The following PAFAH1B1 variants were observed in gnomAD, a reference collection of about 807,000 sequenced individuals.
PAFAH1B1 encodes the protein platelet activating factor acetylhydrolase 1b regulatory subunit 1.
Under a neutral mutation model 57.5 loss-of-function variants are expected in PAFAH1B1, and 2 were observed. That is an observed-to-expected ratio of 0.03 (90% confidence interval 0.01 to 0.11). The LOEUF is 0.11. Among genes scored for constraint, PAFAH1B1 ranks in the 10% least tolerant of loss-of-function variants. The pLI is 1.00. For synonymous variants in PAFAH1B1, 152 were observed against 169.6 expected (o/e 0.90, Z 0.81); for missense variants, 257 against 512.0 (o/e 0.50, Z 4.81).
At position 2,638,199 on chromosome 17, in the gene PAFAH1B1, T is replaced by G; in HGVS notation, c.-90T>G. On this transcript the variant is annotated 5_prime_UTR_variant, in exon 2 of 11. Coordinates refer to ENST00000397195, the MANE Select transcript of PAFAH1B1 (RefSeq NM_000430.4). ...TGTGGAAGACACTTAGTGGCATATTTAAATTATAAGTCCACGGATCAAAAA... is the reference window on the plus strand; with the variant it reads ...TGTGGAAGACACTTAGTGGCATATTGAAATTATAAGTCCACGGATCAAAAA... The G allele has an allele frequency of 9.7e-7, 1 of 1,027,994 alleles. No individual in the cohort carries two copies. The highest frequency in any genetic ancestry group is 1.5e-6 in the Non-Finnish European group (1 of 666,072). 63.7% of individuals were successfully genotyped at this position (1,027,994 alleles called of 1,614,324 possible). A position where few individuals can be genotyped will look rare whatever the true frequency, so the allele number is the denominator to read the frequency against.
At chr17:2,602,337 C>A (rs1242619628) in intron 1 of PAFAH1B1, among the ~76,000 whole-genome samples, 1 of 151,876 alleles carries the variant, frequency 6.6e-6, no homozygotes, top group East Asian at 1.9e-4. Context: ...CATCATAATA[C>A]AACCCCAAGA....
At chr17:2,633,961 C>CTTTT (rs553588827) in intron 1 of PAFAH1B1, among the ~76,000 whole-genome samples, 6 of 119,736 alleles carry the variant, frequency 5.0e-5, no homozygotes, top group Non-Finnish European at 8.3e-5. Flanking sequence ...AGTACCAAAC[C>CTTTT]TTTTTTTTTT....
At chr17:2,666,494 A>G (rs535968432) in intron 4 of PAFAH1B1, among the ~76,000 whole-genome samples, 1 of 152,346 alleles carries the variant, frequency 6.6e-6, no homozygotes, top group South Asian at 2.1e-4. Flanking sequence ...CCTAAAATGG[A>G]TACTTCATAG....
chr17:2,593,642 A>C (rs1382081614), upstream of PAFAH1B1: 3 of 234,756 alleles, frequency 1.3e-5, no homozygotes, highest in Admixed American at 5.8e-5. Flanking sequence ...GCGTTGGGGC[A>C]GCTCCTGTGA....
intron 1 of PAFAH1B1, among the ~76,000 whole-genome samples, chr17:2,626,378 G>C (rs1216535389): frequency 6.6e-6 from 1 of 152,104 alleles, no homozygotes; most frequent in Non-Finnish European, 1.5e-5. Context: ...ATATACTTGT[G>C]CTTTCTGATA....
chr17:2,626,115 A>G (rs996776002), intron 1 of PAFAH1B1, among the ~76,000 whole-genome samples: 2 of 152,090 alleles, frequency 1.3e-5, no homozygotes, highest in African/African-American at 2.4e-5. Flanking sequence ...TTAGCTAGGC[A>G]TAGTGGTATG....
chr17:2,610,025 A>G (rs1467815128), intron 1 of PAFAH1B1, among the ~76,000 whole-genome samples: 1 of 152,216 alleles, frequency 6.6e-6, no homozygotes, highest in Admixed American at 6.5e-5. Flanking sequence ...GGGTTTCGCC[A>G]TGTTGGCCAT....
chr17:2,657,603 A>G (rs2068953746), intron 2 of PAFAH1B1, among the ~76,000 whole-genome samples: 2 of 152,208 alleles, frequency 1.3e-5, no homozygotes, highest in Non-Finnish European at 2.9e-5. Context: ...ATAATGTACC[A>G]TTCTGATTCA....
chr17:2,670,507 A>G (rs966476225), intron 6 of PAFAH1B1, 176 bp downstream of exon 6: 5 of 623,602 alleles, frequency 8.0e-6, no homozygotes, highest in South Asian at 2.0e-5. Context: ...AGTGCTTTCT[A>G]TTAGGAAGTT....
chr17:2,676,111 C>T (rs193078952), intron 8 of PAFAH1B1, among the ~76,000 whole-genome samples: 9 of 152,330 alleles, frequency 5.9e-5, no homozygotes, highest in Admixed American at 3.9e-4. Flanking sequence ...CAGTGGCTCA[C>T]GCCTGTAATT....
chr17:2,662,596 G>A (rs2069033431), intron 2 of PAFAH1B1, among the ~76,000 whole-genome samples: 1 of 151,568 alleles, frequency 6.6e-6, no homozygotes, highest in African/African-American at 2.4e-5. Flanking sequence ...GTAGAGATGG[G>A]GTTTCACCAT....
chr17:2,596,750 G>A (rs897757105), intron 1 of PAFAH1B1, among the ~76,000 whole-genome samples: 1 of 152,124 alleles, frequency 6.6e-6, no homozygotes, highest in Non-Finnish European at 1.5e-5. Context: ...TATTCCTACT[G>A]TTTGTAGAAT....
chr17:2,620,533 G>A (rs1037427289), intron 1 of PAFAH1B1, among the ~76,000 whole-genome samples: 3 of 152,062 alleles, frequency 2.0e-5, no homozygotes, highest in South Asian at 2.1e-4. Context: ...TTAAGTTTTT[G>A]TCTGGTTTTA....
Position 2,602,207 on chromosome 17 carries a change from C to A in PAFAH1B1, c.-191+8201C>A, listed in dbSNP as rs76547360. On this transcript the variant is annotated intron_variant, in intron 1 of 10. Coordinates refer to ENST00000397195, the MANE Select transcript of PAFAH1B1 (RefSeq NM_000430.4). ...CTTCGACTTGGGCTAAATAAGTGTT[C>A]TGTATAATGGTATGTCCTTAAAGAG... Among the ~76,000 whole-genome samples the A allele has an allele frequency of 5.5e-4, 84 of 151,452 alleles. No homozygotes were observed. The East Asian group carries it at 0.016, about 28-fold the overall frequency.
Position 2,670,270 on chromosome 17 carries a change from T to G in PAFAH1B1, c.507T>G (p.Ser169=), listed in dbSNP as rs1402689340. ...GCGGCAAGCTTCTGGCTTCCTGTTC[T>G]GCAGATATGACCATTAAACTATGGG... ...DHSGKLLASC[S]ADMTIKLWDF... is the part of the protein sequence containing the mutation. Residue 169 remains serine, a synonymous_variant, in exon 6 of 11, where the codon TCT becomes TCG. Transcript: ENST00000397195. The G allele has an allele frequency of 1.2e-6, 2 of 1,614,212 alleles. No individual in the cohort carries two copies. Among genetic ancestry groups the G allele is most frequent in the Admixed American group, 3.3e-5 (2 of 60,022 alleles).
chr17:2,624,757 A>G (rs1194761711), intron 1 of PAFAH1B1, among the ~76,000 whole-genome samples: 1 of 152,134 alleles, frequency 6.6e-6, no homozygotes, highest in Non-Finnish European at 1.5e-5. Context: ...TGCCCAGGCT[A>G]GTCTTGAACT....
At chr17:2,603,674 T>C (rs1194705136) in intron 1 of PAFAH1B1, among the ~76,000 whole-genome samples, 1 of 152,000 alleles carries the variant, frequency 6.6e-6, no homozygotes, top group Non-Finnish European at 1.5e-5. Context: ...TTTTTGTTTT[T>C]ATTCAATTTC....
chr17:2,609,451 A>C (rs2068241839), intron 1 of PAFAH1B1: 3 of 152,278 alleles, frequency 2.0e-5, no homozygotes, highest in African/African-American at 7.2e-5. Flanking sequence ...AAAAATGAAA[A>C]AAAGTATAGC....
At chr17:2,638,783 C>T (rs1275277439) in intron 2 of PAFAH1B1, 2 of 174,148 alleles carry the variant, frequency 1.1e-5, no homozygotes, top group Non-Finnish European at 1.2e-5. Context: ...GCTGGGATTA[C>T]AGGCATGAGC....
Sources: gnomAD v4.1 joint callset for allele counts (sites outside exome capture counted in the v4.1 genomes callset) on GRCh38, gnomAD v4.1.1 for gene constraint, MANE v1.5 for transcripts, NCBI Gene and HGNC (gene_info 2026-07-23, HGNC 2026-07-21) for gene names.